Variants in PCDHA2 observed in about 807,000 individuals in gnomAD.
PCDHA2 encodes the protein protocadherin alpha-2.
In PCDHA2, 58 loss-of-function variants were observed where a neutral mutation model predicts 66.0. The observed-to-expected ratio is 0.88, with a 90% CI of 0.71 to 1.09. The LOEUF (loss-of-function observed/expected upper bound fraction) is 1.09. PCDHA2 is among the 50% of genes least tolerant of loss of function. The pLI is 0.00. For missense variants in PCDHA2, 1,267 were observed against 1,242.3 expected (o/e 1.02, Z -0.30); for synonymous variants, 634 against 554.0 (o/e 1.14, Z -2.03).
At chr5:140,807,027 GGAA>G in intron 1 of PCDHA2, 1 of 866,008 alleles carries the variant, frequency 1.2e-6, no homozygotes, top group South Asian at 1.7e-5. Context: ...GAGAGAAGGA[GGAA>G]GAAGGGAAAA....
At chr5:141,002,449 C>G (rs2098081029) in intron 3 of PCDHA2, among the ~76,000 whole-genome samples, 1 of 152,192 alleles carries the variant, frequency 6.6e-6, no homozygotes, top group African/African-American at 2.4e-5. Flanking sequence ...ATAATTGGCA[C>G]ATTTGTATAA....
chr5:140,830,363 G>T, intron 1 of PCDHA2: 1 of 1,614,138 alleles, frequency 6.2e-7, no homozygotes, highest in Non-Finnish European at 8.5e-7. Flanking sequence ...GCGGCAGAGG[G>T]TGTGCTCCGG....
intron 1 of PCDHA2, among the ~76,000 whole-genome samples, chr5:140,890,373 T>A (rs868994302): frequency 2.4e-4 from 37 of 152,196 alleles, no homozygotes; most frequent in African/African-American, 7.5e-4. Context: ...CCTGAACAAG[T>A]ACTCTTTCTT....
chr5:140,889,551 C>A (rs981990006), intron 1 of PCDHA2, among the ~76,000 whole-genome samples: 1 of 152,074 alleles, frequency 6.6e-6, no homozygotes, highest in Non-Finnish European at 1.5e-5. Flanking sequence ...ATTTACTTTT[C>A]TTCAGAATTC....
intron 1 of PCDHA2, chr5:140,816,817 C>A (rs1489513299): frequency 6.6e-6 from 1 of 151,668 alleles, no homozygotes; most frequent in African/African-American, 2.4e-5. Flanking sequence ...ATGCTCTAAT[C>A]TTTTTCCCTC....
At chr5:140,876,343 T>A (rs1196276310) in intron 1 of PCDHA2, 2 of 1,613,854 alleles carry the variant, frequency 1.2e-6, no homozygotes, top group African/African-American at 2.7e-5. Flanking sequence ...GAGTGAGAAA[T>A]GTATGTTTTC....
intron 3 of PCDHA2, among the ~76,000 whole-genome samples, chr5:140,990,514 T>C (rs1437267512): frequency 1.3e-5 from 2 of 152,204 alleles, no homozygotes; most frequent in Non-Finnish European, 1.5e-5. Context: ...TCTTCTCTCT[T>C]GTCTTTTTTG....
intron 1 of PCDHA2, chr5:140,803,096 G>T (rs781996568): frequency 6.2e-7 from 1 of 1,613,880 alleles, no homozygotes; most frequent in South Asian, 1.1e-5. Flanking sequence ...AGATCAGCAC[G>T]ACCCGTGCCC....
chr5:140,968,594 A>G (rs1218717024), intron 1 of PCDHA2: 3 of 1,614,176 alleles, frequency 1.9e-6, no homozygotes, highest in Non-Finnish European at 2.5e-6. Flanking sequence ...AGTCATAGCT[A>G]TGGACTCAGA....
At chr5:140,885,297 T>G (rs565705321) in intron 1 of PCDHA2, among the ~76,000 whole-genome samples, 30 of 152,302 alleles carry the variant, frequency 2.0e-4, no homozygotes, top group Admixed American at 5.9e-4. Context: ...GAGAGAGACC[T>G]GGTAGGCTTT....
rs1554150747 is a variant in PCDHA2, at chr5:140,857,851, A to G, written c.2388+60499A>G. 5 of 1,597,646 alleles carry G rather than the reference A, an allele frequency of 3.1e-6. 1 individual carries two copies. Among genetic ancestry groups the G allele is most frequent in the Non-Finnish European group, 4.3e-6 (5 of 1,167,500 alleles). ...TGCGCGCAGTGGACGCTGACTCTGG[A>G]TACAACGCGTGGCTGTCGTATGAAT... On this transcript the variant is annotated intron_variant, in intron 1 of 3. Transcript: ENST00000526136.
intron 1 of PCDHA2, chr5:140,805,324 TTGATG>T: frequency 8.0e-7 from 1 of 1,257,674 alleles, no homozygotes; most frequent in East Asian, 3.6e-5. Context: ...TCCAATGTGC[TTGATG>T]TCAATGATCA....
chr5:140,928,896 A>G, intron 1 of PCDHA2: 3 of 1,614,108 alleles, frequency 1.9e-6, no homozygotes, highest in Non-Finnish European at 2.5e-6. Context: ...CAGACTTTGA[A>G]GATGTCTGGG....
At chr5:141,008,626 A>G (rs375674921) in intron 3 of PCDHA2, among the ~76,000 whole-genome samples, 1 of 152,222 alleles carries the variant, frequency 6.6e-6, no homozygotes. Context: ...TTTCTCAAGT[A>G]TAATTAACAA....
At chr5:140,963,685 C>T (rs1272143166) in intron 1 of PCDHA2, among the ~76,000 whole-genome samples, 19 of 152,220 alleles carry the variant, frequency 1.2e-4, no homozygotes, top group Middle Eastern at 3.4e-3. Flanking sequence ...TGTGTTTATC[C>T]GTGTTTGATA....
At chr5:140,855,829 C>T in intron 1 of PCDHA2, 1 of 560,296 alleles carries the variant, frequency 1.8e-6, no homozygotes. Flanking sequence ...CTCATGGAAT[C>T]GTACTTACAC....
chr5:140,881,121 C>G (rs1456322924), intron 1 of PCDHA2, among the ~76,000 whole-genome samples: 4 of 152,122 alleles, frequency 2.6e-5, no homozygotes, highest in Non-Finnish European at 4.4e-5. Flanking sequence ...GATTTTGTGG[C>G]TTGGTAGAGA....
intron 2 of PCDHA2, among the ~76,000 whole-genome samples, chr5:140,980,144 T>C (rs2096877989): frequency 6.6e-6 from 1 of 152,172 alleles, no homozygotes; most frequent in Admixed American, 6.6e-5. Flanking sequence ...GAAACATTCA[T>C]GCATATACCA....
chr5:140,804,899 T>A, intron 1 of PCDHA2: 5 of 770,384 alleles, frequency 6.5e-6, no homozygotes, highest in Non-Finnish European at 9.5e-6. Context: ...TCCCCTCACT[T>A]CCATTTTCTT....
Sources: gnomAD v4.1 joint callset for allele counts (sites outside exome capture counted in the v4.1 genomes callset) on GRCh38, gnomAD v4.1.1 for gene constraint, MANE v1.5 for transcripts, NCBI Gene and HGNC (gene_info 2026-07-23, HGNC 2026-07-21) for gene names.